SLCO1C1: variants seen among roughly 807,000 people sequenced by gnomAD.
The protein encoded by SLCO1C1 is OAT-RP-5.
In SLCO1C1, 70 loss-of-function variants were observed where a neutral mutation model predicts 76.4. That is an observed-to-expected ratio of 0.92 (90% CI 0.76 to 1.12). SLCO1C1 has a LOEUF of 1.12. SLCO1C1 is among the 50% of genes most tolerant of loss of function. The pLI is 0.00. For synonymous variants in SLCO1C1, 306 were observed against 286.1 expected (o/e 1.07, Z -0.70); for missense variants, 912 against 823.8 (o/e 1.11, Z -1.31).
chr12:20,747,610 A>T (rs1477941425), intron 13 of SLCO1C1, among the ~76,000 whole-genome samples: 1 of 151,816 alleles, frequency 6.6e-6, no homozygotes, highest in African/African-American at 2.4e-5. Context: ...AAACATTTGA[A>T]TTTTTTTGGC....
At position 20,736,973 on chromosome 12, in the gene SLCO1C1, A is replaced by T. The variant is rs528964589; in HGVS notation, c.1383-134A>T. 11 of 611,278 alleles carry T rather than the reference A, an allele frequency of 1.8e-5. No homozygotes were observed. The African/African-American group carries it at 2.1e-4, about 12-fold the overall frequency. 37.9% of individuals were successfully genotyped at this position (611,278 alleles called of 1,614,324 possible). On this transcript the variant is annotated intron_variant, in intron 10 of 14. Coordinates refer to ENST00000266509, the MANE Select transcript of SLCO1C1 (RefSeq NM_017435.5). ...TCATGACCAGAAGCTGCCATTTCTG[A>T]TGACAACTGTGTTTCTAAAAGGCAA...
chr12:20,696,143 C>T (rs758925385), intron 1 of SLCO1C1, among the ~76,000 whole-genome samples: 2 of 152,054 alleles, frequency 1.3e-5, no homozygotes, highest in Non-Finnish European at 2.9e-5. Context: ...GTACATTACT[C>T]AACACAAAAA....
intron 7 of SLCO1C1, among the ~76,000 whole-genome samples, chr12:20,717,670 T>C (rs1947443665): frequency 3.1e-5 from 3 of 95,534 alleles, no homozygotes. Context: ...TTTTTTTTTT[T>C]TTTTTTTTTT....
intron 1 of SLCO1C1, among the ~76,000 whole-genome samples, chr12:20,697,712 G>A (rs1469442419): frequency 6.6e-6 from 1 of 151,900 alleles, no homozygotes; most frequent in Non-Finnish European, 1.5e-5. Flanking sequence ...TAAATTTCCT[G>A]TAATTAACCA....
chr12:20,701,184 A>C, intron 2 of SLCO1C1, 134 bp from the exon 3 acceptor site: 1 of 881,726 alleles, frequency 1.1e-6, no homozygotes, highest in South Asian at 4.1e-5. Flanking sequence ...TTTGAATTAA[A>C]GTTTCAGTGA....
chr12:20,708,142 C>T (rs868404112), intron 4 of SLCO1C1, among the ~76,000 whole-genome samples: 1 of 152,072 alleles, frequency 6.6e-6, no homozygotes, highest in African/African-American at 2.4e-5. Flanking sequence ...ATATGATTTT[C>T]GTTCTCTAAG....
At chr12:20,743,492 T>C (rs756479313) in intron 13 of SLCO1C1, 123 bp downstream of exon 13, 1 of 632,862 alleles carries the variant, frequency 1.6e-6, no homozygotes, top group Non-Finnish European at 2.7e-6. Flanking sequence ...GTTCATAGTC[T>C]TTTTTATTCC....
chr12:20,738,132 A>G (rs1948634001), intron 11 of SLCO1C1, among the ~76,000 whole-genome samples: 1 of 152,074 alleles, frequency 6.6e-6, no homozygotes, highest in African/African-American at 2.4e-5. Flanking sequence ...CTCATGAACT[A>G]ATTACCTCCT....
chr12:20,696,485 C>T (rs1187366860), intron 1 of SLCO1C1, among the ~76,000 whole-genome samples: 1 of 152,120 alleles, frequency 6.6e-6, no homozygotes, highest in Non-Finnish European at 1.5e-5. Flanking sequence ...AAGCCACTTG[C>T]TCTCTCCATT....
chr12:20,720,205 A>G (rs1193506796), intron 7 of SLCO1C1, among the ~76,000 whole-genome samples: 7 of 152,138 alleles, frequency 4.6e-5, no homozygotes, highest in African/African-American at 1.7e-4. Context: ...GAAAAAAAAT[A>G]TATATATATT....
In SLCO1C1 at chr12:20,717,157, A is replaced by C. The variant is rs756045401; in HGVS notation, c.702A>C (p.Ile234=). The part of the protein sequence containing the change: ...YIGCVQTVAI[I]GPIFGFLLGS... ...GGTGTGTGCAGACGGTTGCAATTAT[A>C]GGACCAATCTTTGGTTTCCTGTTAG... The change falls in exon 7 of 15, where the codon ATA becomes ATC. Residue 234 remains isoleucine, a synonymous_variant. Transcript: ENST00000266509. The C allele has an allele frequency of 6.2e-7, 1 of 1,603,922 alleles. No homozygotes were observed. Among genetic ancestry groups the C allele is most frequent in the Non-Finnish European group, 8.5e-7 (1 of 1,176,808 alleles).
chr12:20,709,566 A>G (rs1565505260), intron 4 of SLCO1C1, among the ~76,000 whole-genome samples: 1 of 152,164 alleles, frequency 6.6e-6, no homozygotes, highest in Non-Finnish European at 1.5e-5. Flanking sequence ...TTTCAATGCT[A>G]AATGTTCTCA....
chr12:20,703,844 C>T (rs1946642024), intron 3 of SLCO1C1, among the ~76,000 whole-genome samples: 1 of 151,426 alleles, frequency 6.6e-6, no homozygotes, highest in Non-Finnish European at 1.5e-5. Context: ...CAAGTTTGGG[C>T]TCTAATTGTC....
intron 7 of SLCO1C1, among the ~76,000 whole-genome samples, chr12:20,719,100 C>CTATTATTAT (rs71039975): frequency 0.033 from 4,800 of 145,622 alleles, 113 homozygotes; most frequent in African/African-American, 0.051. Context: ...CAAGCTTTTA[C>CTATTATTAT]TATTATTATT....
At chr12:20,704,415 T>C (rs1946679260) in intron 3 of SLCO1C1, among the ~76,000 whole-genome samples, 1 of 151,766 alleles carries the variant, frequency 6.6e-6, no homozygotes, top group Non-Finnish European at 1.5e-5. Context: ...CAACTTTCAT[T>C]TTATGTTGGT....
intron 12 of SLCO1C1, among the ~76,000 whole-genome samples, chr12:20,742,643 C>T (rs937565470): frequency 6.6e-6 from 1 of 152,054 alleles, no homozygotes; most frequent in Non-Finnish European, 1.5e-5. Context: ...ACGCCATTCC[C>T]CTGCCTCAGC....
Position 20,740,259 on chromosome 12 carries a change from C to T in SLCO1C1, c.1624C>T (p.Gln542Ter). Residue 542 changes from glutamine to a stop codon, truncating the protein, a stop_gained, in exon 12 of 15, where the codon CAG becomes TAG. Coordinates refer to ENST00000266509, the MANE Select transcript of SLCO1C1 (RefSeq NM_017435.5). LOFTEE classifies it high-confidence loss of function. ...TTCCTCAGGCATAGTGGGAAGATGT[C>T]AGAAAGACAATGGATGTCCCCAAAT... The part of the protein sequence containing the change: ...GNSSGIVGRC[Q>*]KDNGCPQMFL... 1 of 1,613,882 alleles carries T rather than the reference C, an allele frequency of 6.2e-7. No homozygotes were observed. The highest frequency in any genetic ancestry group is 8.5e-7 in the Non-Finnish European group (1 of 1,179,920).
At chr12:20,723,324 T>A in intron 9 of SLCO1C1, 70 bp downstream of exon 9, 1 of 1,530,144 alleles carries the variant, frequency 6.5e-7, no homozygotes, top group East Asian at 2.3e-5. Context: ...CTCGGGAATC[T>A]TCGAGAAGAT....
At chr12:20,740,787 T>TTATATATATATATATATATATG (rs1948773109) in intron 12 of SLCO1C1, among the ~76,000 whole-genome samples, 1 of 75,058 alleles carries the variant, frequency 1.3e-5, no homozygotes, top group African/African-American at 5.4e-5. Flanking sequence ...TTTATTTTAT[T>TTATATATATATATATATATATG]TATATATATA....
Sources: gnomAD v4.1 joint callset for allele counts (sites outside exome capture counted in the v4.1 genomes callset) on GRCh38, gnomAD v4.1.1 for gene constraint, MANE v1.5 for transcripts, NCBI Gene and HGNC (gene_info 2026-07-23, HGNC 2026-07-21) for gene names.